The following CREB5 variants were observed in gnomAD, a reference collection of about 807,000 sequenced individuals.
CREB5 encodes cAMP responsive element binding protein 5, also known as cyclic AMP-responsive element-binding protein 5.
Under a neutral mutation model 57.1 loss-of-function variants are expected in CREB5, and 19 were observed. The observed-to-expected ratio is 0.33, with a 90% CI of 0.23 to 0.49. The LOEUF (loss-of-function observed/expected upper bound fraction) is 0.49, where lower values mean the gene tolerates loss of function less well. Among genes scored for constraint, CREB5 ranks in the 20% least tolerant of loss-of-function variants. The probability of loss-of-function intolerance (pLI) is 0.99; values close to 1 mark genes in which losing one functional copy is unlikely to be tolerated. For synonymous variants in CREB5, 238 were observed against 238.3 expected (o/e 1.00, Z 0.01); for missense variants, 579 against 671.6 (o/e 0.86, Z 1.52).
chr7:28,580,656 C>T (rs944892764), intron 5 of CREB5, among the ~76,000 whole-genome samples: 2 of 150,336 alleles, frequency 1.3e-5, no homozygotes, highest in Non-Finnish European at 3.0e-5. Flanking sequence ...CCACCTGAAG[C>T]CACAGACAAA....
chr7:28,449,117 A>T (rs1789655118), intron 1 of CREB5, among the ~76,000 whole-genome samples: 1 of 152,202 alleles, frequency 6.6e-6, no homozygotes. Flanking sequence ...GTGTGCATGG[A>T]AGCAAAGTAT....
At chr7:28,538,515 G>T (rs1341439509) in intron 4 of CREB5, among the ~76,000 whole-genome samples, 1 of 152,134 alleles carries the variant, frequency 6.6e-6, no homozygotes, top group Non-Finnish European at 1.5e-5. Flanking sequence ...GTTGCTAGGG[G>T]TTGATCAATT....
At chr7:28,618,669 T>C (rs1797681459) in intron 5 of CREB5, among the ~76,000 whole-genome samples, 1 of 152,210 alleles carries the variant, frequency 6.6e-6, no homozygotes, top group Non-Finnish European at 1.5e-5. Context: ...TCAGCAGGCA[T>C]GATCTCTGTG....
chr7:28,415,453 C>G (rs939245402), intron 1 of CREB5, among the ~76,000 whole-genome samples: 1 of 152,118 alleles, frequency 6.6e-6, no homozygotes, highest in African/African-American at 2.4e-5. Context: ...TCTTTTCAAG[C>G]CTTTTGATGA....
chr7:28,620,044 T>C (rs1237519488), intron 5 of CREB5, among the ~76,000 whole-genome samples: 5 of 152,228 alleles, frequency 3.3e-5, no homozygotes, highest in African/African-American at 9.6e-5. Context: ...TTGGGCATCA[T>C]TTTAATAAAA....
intron 5 of CREB5, among the ~76,000 whole-genome samples, chr7:28,651,526 G>A (rs1799128064): frequency 1.3e-5 from 2 of 152,118 alleles, no homozygotes; most frequent in Admixed American, 6.5e-5. Flanking sequence ...AGGATCGCTT[G>A]AGCCCAGGAG....
chr7:28,658,955 A>ATATATATATATATATATATGTG lies in CREB5; in HGVS notation c.465-59779_465-59778insGTGTATATATATATATATATAT, dbSNP rs1554281546. 5.7e-4 allele frequency among the ~76,000 whole-genome samples: 27 copies of ATATATATATATATATATATGTG among 47,528 alleles called. 1 individual carries two copies. The highest frequency in any genetic ancestry group is 2.0e-3 in the East Asian group (5 of 2,470). 31.2% of individuals were successfully genotyped at this position (47,528 alleles called of 152,430 possible). A position where few individuals can be genotyped will look rare whatever the true frequency, so the allele number is the denominator to read the frequency against. On this transcript the variant is annotated intron_variant, in intron 5 of 10. Coordinates refer to ENST00000357727, the MANE Select transcript of CREB5 (RefSeq NM_182898.4). ...CTAAATATTATATGTGTGTGTGTGT[A>ATATATATATATATATATATGTG]TATATATATATATATATATATATAT...
chr7:28,658,343 C>T (rs1799418733), intron 5 of CREB5, among the ~76,000 whole-genome samples: 2 of 152,192 alleles, frequency 1.3e-5, no homozygotes, highest in African/African-American at 2.4e-5. Context: ...GTGGCCAAAA[C>T]AATAGTTCCT....
At chr7:28,579,585 G>A (rs1796044184) in intron 5 of CREB5, among the ~76,000 whole-genome samples, 2 of 152,168 alleles carry the variant, frequency 1.3e-5, no homozygotes, top group Admixed American at 1.3e-4. Flanking sequence ...ACAGAACTTT[G>A]CAGAGAACAG....
intron 1 of CREB5, among the ~76,000 whole-genome samples, chr7:28,305,974 G>T (rs1785174748): frequency 6.6e-6 from 1 of 151,888 alleles, no homozygotes; most frequent in Non-Finnish European, 1.5e-5. Context: ...CACGTGTACA[G>T]ATTTTAATTA....
chr7:28,650,598 C>A (rs184494047), intron 5 of CREB5, among the ~76,000 whole-genome samples: 50 of 152,150 alleles, frequency 3.3e-4, no homozygotes, highest in Non-Finnish European at 4.4e-4. Context: ...GCTTCCCCCC[C>A]CAACCTTCCA....
chr7:28,428,077 C>A (rs1243923190), intron 1 of CREB5, among the ~76,000 whole-genome samples: 1 of 152,186 alleles, frequency 6.6e-6, no homozygotes, highest in Non-Finnish European at 1.5e-5. Context: ...GATAAGGTGA[C>A]ATATGAGAGG....
intron 1 of CREB5, among the ~76,000 whole-genome samples, chr7:28,321,239 A>C (rs1252632481): frequency 6.6e-6 from 1 of 151,594 alleles, no homozygotes; most frequent in Admixed American, 6.6e-5. Flanking sequence ...TGTACCCTTC[A>C]TCCTCCTCTT....
chr7:28,537,295 A>G (rs1794002545), intron 4 of CREB5, among the ~76,000 whole-genome samples: 3 of 152,118 alleles, frequency 2.0e-5, no homozygotes, highest in Non-Finnish European at 2.9e-5. Context: ...ATGGTTACCC[A>G]TTTTTTCCCC....
At chr7:28,615,993 G>A (rs149103912) in intron 5 of CREB5, 1 of 152,178 alleles carries the variant, frequency 6.6e-6, no homozygotes, top group Non-Finnish European at 1.5e-5. Flanking sequence ...TTAAATCACA[G>A]ATCTGAGTTC....
At chr7:28,514,455 G>A (rs771701038) in intron 4 of CREB5, among the ~76,000 whole-genome samples, 1 of 152,130 alleles carries the variant, frequency 6.6e-6, no homozygotes, top group South Asian at 2.1e-4. Context: ...GAGTGCAGTG[G>A]CGCCATCTCG....
chr7:28,404,130 G>A (rs930006410), intron 1 of CREB5, among the ~76,000 whole-genome samples: 1 of 152,126 alleles, frequency 6.6e-6, no homozygotes, highest in African/African-American at 2.4e-5. Flanking sequence ...ATGTGCACAC[G>A]TTCTGCCAAC....
intron 4 of CREB5, among the ~76,000 whole-genome samples, chr7:28,567,662 T>A (rs1193852168): frequency 1.3e-5 from 2 of 152,220 alleles, no homozygotes; most frequent in Admixed American, 1.3e-4. Context: ...AAGGTTTGCC[T>A]ACATGATGAT....
intron 5 of CREB5, among the ~76,000 whole-genome samples, chr7:28,584,363 C>T (rs888751049): frequency 2.0e-5 from 3 of 152,172 alleles, no homozygotes; most frequent in Admixed American, 1.3e-4. Flanking sequence ...GGTCTGTAAT[C>T]AGGTTAAGAT....
Sources: allele counts gnomAD v4.1 joint callset (sites outside exome capture counted in the v4.1 genomes callset), GRCh38; gene constraint gnomAD v4.1.1; transcripts MANE v1.5; gene names NCBI Gene and HGNC (gene_info 2026-07-23, HGNC 2026-07-21).